Variants in NDOR1 observed in about 807,000 individuals in gnomAD.
NDOR1 encodes the protein NADPH dependent diflavin oxidoreductase 1.
In NDOR1, 61 loss-of-function variants were observed where a neutral mutation model predicts 67.2. That is an observed-to-expected ratio of 0.91 (90% CI 0.74 to 1.12). The LOEUF (loss-of-function observed/expected upper bound fraction) is 1.12, where lower values mean the gene tolerates loss of function less well. Ranked by LOEUF, NDOR1 falls within the 50% of genes most tolerant of loss-of-function variation. NDOR1 has a pLI of 0.00. For missense variants in NDOR1, 878 were observed against 802.8 expected (o/e 1.09, Z -1.13); for synonymous variants, 378 against 343.7 (o/e 1.10, Z -1.10).
At position 137,205,774 on chromosome 9, in the gene NDOR1, C is replaced by G; in HGVS notation, c.-4C>G. On this transcript the variant is annotated 5_prime_UTR_variant, in exon 1 of 14. Coordinates refer to ENST00000684003, the MANE Select transcript of NDOR1 (RefSeq NM_014434.4). Reference sequence around the variant, plus strand: ...TCTCAGACCAGACCACCGGGCGCACCCCGATGCCGAGCCCGCAGCTTCTGG... The same window carrying G: ...TCTCAGACCAGACCACCGGGCGCACGCCGATGCCGAGCCCGCAGCTTCTGG... The G allele has an allele frequency of 1.2e-6, 2 of 1,603,388 alleles. No homozygotes were observed. The highest frequency in any genetic ancestry group is 1.7e-6 in the Non-Finnish European group (2 of 1,179,642).
rs911202970 is a variant in NDOR1, at chr9:137,218,570, C to G, written c.*2154C>G. 3.3e-5 allele frequency: 13 copies of G among 399,232 alleles called. No individual in the cohort carries two copies. The highest frequency in any genetic ancestry group is 5.3e-5 in the Non-Finnish European group (12 of 226,838). 24.7% of individuals were successfully genotyped at this position (399,232 alleles called of 1,614,324 possible). A position where few individuals can be genotyped will look rare whatever the true frequency, so the allele number is the denominator to read the frequency against. ...CACGCCGCTCCTGCTGCTGGGACTG[C>G]TCTTCGTGCTCCTGGACCGCTCTGG... On this transcript the variant is annotated 3_prime_UTR_variant, in exon 14 of 14. Transcript: ENST00000684003.
chr9:137,215,159 C>T lies in NDOR1; in HGVS notation c.1130C>T (p.Pro377Leu). The part of the protein sequence containing the change: ...IPPDYLLDLI[P>L]VIRPRAFSIA... ...CCCGACTACCTGTTGGACCTCATCC[C>T]CGTTATCCGGCCGAGGGCCTTCTCC... The change falls in exon 9 of 14, where the codon CCC becomes CTC. Residue 377 changes from proline (P) to leucine (L), a missense_variant. By Grantham distance (98) the Pro-to-Leu change is moderately conservative. Transcript: ENST00000684003. 1 of 1,613,512 alleles carries T rather than the reference C, an allele frequency of 6.2e-7. No individual in the cohort carries two copies. Among genetic ancestry groups the T allele is most frequent in the Non-Finnish European group, 8.5e-7 (1 of 1,179,980 alleles).
In NDOR1 at chr9:137,216,256, C is replaced by T. The variant is rs575988413; in HGVS notation, c.1650-16C>T. ...GTGCCAGGCCTCATTGCGCCTTCTGCGACCTGCCCCTCTAGCAACGCCAAG... is the reference window on the plus strand; with the variant it reads ...GTGCCAGGCCTCATTGCGCCTTCTGTGACCTGCCCCTCTAGCAACGCCAAG... On this transcript the variant is annotated splice_polypyrimidine_tract_variant and intron_variant, in intron 13 of 13. Transcript: ENST00000684003. 11 of 1,612,804 alleles carry T rather than the reference C, an allele frequency of 6.8e-6. No homozygotes were observed. The highest frequency in any genetic ancestry group is 1.6e-4 in the Middle Eastern group (1 of 6,062).
At position 137,205,784 on chromosome 9, in the gene NDOR1, A is replaced by G; in HGVS notation, c.7A>G (p.Ser3Gly). The change falls in exon 1 of 14, where the codon AGC (serine) becomes GGC (glycine). Residue 3 changes from serine to glycine, a missense_variant. Ser to Gly is a moderately conservative substitution (Grantham distance 56). Coordinates refer to ENST00000684003, the MANE Select transcript of NDOR1 (RefSeq NM_014434.4). Reference protein sequence around the residue: MPSPQLLVLFGSQ... With the variant: MPGPQLLVLFGSQ... Reference sequence around the variant, plus strand: ...GACCACCGGGCGCACCCCGATGCCGAGCCCGCAGCTTCTGGTGCTCTTCGG... The same window carrying G: ...GACCACCGGGCGCACCCCGATGCCGGGCCCGCAGCTTCTGGTGCTCTTCGG... 6.2e-7 allele frequency: 1 copy of G among 1,604,078 alleles called. No homozygotes were observed. The highest frequency in any genetic ancestry group is 8.5e-7 in the Non-Finnish European group (1 of 1,179,638).
chr9:137,216,557 C>T lies in NDOR1; in HGVS notation c.*141C>T, dbSNP rs886558973. 2 of 1,112,186 alleles carry T rather than the reference C, an allele frequency of 1.8e-6. No individual in the cohort carries two copies. 68.9% of individuals were successfully genotyped at this position (1,112,186 alleles called of 1,614,324 possible). A position where few individuals can be genotyped will look rare whatever the true frequency, so the allele number is the denominator to read the frequency against. On this transcript the variant is annotated 3_prime_UTR_variant, in exon 14 of 14. Coordinates refer to ENST00000684003, the MANE Select transcript of NDOR1 (RefSeq NM_014434.4). ...TCTGGGAACAGCCAGCTCCCGAGCACAGCCGCACTCCTGTTGACCCTGGAT... is the reference window on the plus strand; with the variant it reads ...TCTGGGAACAGCCAGCTCCCGAGCATAGCCGCACTCCTGTTGACCCTGGAT...
rs746824699 is a variant in NDOR1 at position 137,215,106 on chromosome 9, C to A, written c.1077C>A (p.Asp359Glu). 1 of 1,613,840 alleles carries A rather than the reference C, an allele frequency of 6.2e-7. No individual in the cohort carries two copies. The highest frequency in any genetic ancestry group is 8.5e-7 in the Non-Finnish European group (1 of 1,179,990). ...CTCTCTTTGCCTAGGTGCTCTGTGA[C>A]TTCCCGCACACAGCTGCCGCCATCC... ...PRRTILEVLC[D>E]FPHTAAAIPP... The change falls in exon 9 of 14, where the codon GAC (aspartate) becomes GAA (glutamate). Residue 359 changes from aspartate (D) to glutamate (E), a missense_variant. Asp to Glu is a conservative substitution (Grantham distance 45, BLOSUM62 2). Transcript: ENST00000684003.
At chr9:137,210,437 T>C (rs1013458211) in intron 2 of NDOR1, among the ~76,000 whole-genome samples, 1 of 152,000 alleles carries the variant, frequency 6.6e-6, no homozygotes, top group Non-Finnish European at 1.5e-5. Context: ...CTCAAGCTTC[T>C]GGGCTCAAGC....
intron 5 of NDOR1, 33 bp from the exon 6 acceptor site, chr9:137,214,171 G>A (rs1427066725): frequency 1.3e-6 from 2 of 1,581,830 alleles, no homozygotes; most frequent in Admixed American, 3.5e-5. Context: ...CCTGGGGAGT[G>A]GGTCCTGGTC....
intron 7 of NDOR1, 41 bp downstream of exon 7, chr9:137,214,732 C>T (rs372522173): frequency 1.5e-5 from 24 of 1,597,370 alleles, no homozygotes; most frequent in Admixed American, 1.3e-4. Flanking sequence ...TGCCCTCTCC[C>T]GTGCCCTGGG....
At position 137,214,214 on chromosome 9, in the gene NDOR1, A is replaced by G. The variant is rs1206595638; in HGVS notation, c.523A>G (p.Lys175Glu). Residue 175 changes from lysine (K) to glutamate (E), a missense_variant, in exon 6 of 14, where the codon AAG becomes GAG. Transcript: ENST00000684003. ...CGTGCCCTCCCACAGCCTGCCCTCC[A>G]AGTTCACCCTGCTGTTCCTCCAAGA... ...EIPPGVPLPS[K>E]FTLLFLQEAP... 2.5e-6 allele frequency: 4 copies of G among 1,611,204 alleles called. No individual in the cohort carries two copies. Among genetic ancestry groups the G allele is most frequent in the Admixed American group, 3.3e-5 (2 of 59,900 alleles).
At position 137,205,740 on chromosome 9, in the gene NDOR1, A is replaced by T. The variant is rs1176471556; in HGVS notation, c.-38A>T. ...ACCCGGCCGGCGGGAACTGCCTTCTAGTTTTTAGTCTCAGACCAGACCACC... is the reference window on the plus strand; with the variant it reads ...ACCCGGCCGGCGGGAACTGCCTTCTTGTTTTTAGTCTCAGACCAGACCACC... On this transcript the variant is annotated 5_prime_UTR_variant, in exon 1 of 14. Transcript: ENST00000684003. 1.3e-6 allele frequency: 2 copies of T among 1,599,510 alleles called. No homozygotes were observed. The highest frequency in any genetic ancestry group is 2.2e-5 in the South Asian group (2 of 91,060).
In NDOR1 at chr9:137,213,716, A is replaced by G; in HGVS notation, c.312-64A>G. ...CCCGGGCTCCACTCTCCCGGGTTCC[A>G]CTCTGCCTGGGCACCACTCTCCGCC... On this transcript the variant is annotated intron_variant, in intron 3 of 13. Transcript: ENST00000684003. The G allele has an allele frequency of 1.6e-5, 24 of 1,513,856 alleles. 1 individual carries two copies. Among genetic ancestry groups the G allele is most frequent in the South Asian group, 1.4e-4 (12 of 84,422 alleles). The allele number at this position is 1,513,856 out of a possible 1,614,324, so 93.8% of individuals were successfully genotyped here.
rs1835655989 is a variant in NDOR1 at position 137,217,220 on chromosome 9, A to G, written c.*804A>G. Among the ~76,000 whole-genome samples the G allele has an allele frequency of 6.6e-6, 1 of 151,976 alleles. No homozygotes were observed. The highest frequency in any genetic ancestry group is 2.1e-4 in the South Asian group (1 of 4,816). ...ACCCTTGTTGGGCTGCCTGTGCCCG[A>G]GTGGCCTCTGCAGCTCTTATGTCTG... is the stretch of plus-strand genomic sequence containing the variant. On this transcript the variant is annotated 3_prime_UTR_variant, in exon 14 of 14. Coordinates refer to ENST00000684003, the MANE Select transcript of NDOR1 (RefSeq NM_014434.4).
chr9:137,216,356 A>G lies in NDOR1; in HGVS notation c.1734A>G (p.Ala578=), dbSNP rs776035363. 2 of 1,609,338 alleles carry G rather than the reference A, an allele frequency of 1.2e-6. No homozygotes were observed. Among genetic ancestry groups the G allele is most frequent in the East Asian group, 2.2e-5 (1 of 44,882 alleles). ...QEEGGLCSPD[A]AAYLARLQQT... ...AGGGTGGACTCTGCAGCCCGGACGC[A>G]GCCGCGTATCTAGCCAGGCTCCAGC... is the stretch of plus-strand genomic sequence containing the variant. Residue 578 remains alanine, a synonymous_variant, in exon 14 of 14, where the codon GCA becomes GCG. Transcript: ENST00000684003.
In NDOR1 at chr9:137,214,685, G is replaced by A; in HGVS notation, c.838G>A (p.Glu280Lys). Reference protein sequence around the residue: ...PDQLFMLQPREPDVSSPTRLP... With the variant: ...PDQLFMLQPRKPDVSSPTRLP... ...CCAGCTCTTCATGCTGCAGCCGCGGGAGCCAGGTGAGCCCAGCCTCGGCCA... is the reference window on the plus strand; with the variant it reads ...CCAGCTCTTCATGCTGCAGCCGCGGAAGCCAGGTGAGCCCAGCCTCGGCCA... The change falls in exon 7 of 14, where the codon GAG becomes AAG. Residue 280 changes from glutamate to lysine, a missense_variant. Glu to Lys is a moderately conservative substitution (Grantham distance 56, BLOSUM62 1). Coordinates refer to ENST00000684003, the MANE Select transcript of NDOR1 (RefSeq NM_014434.4). 1 of 1,602,888 alleles carries A rather than the reference G, an allele frequency of 6.2e-7. No individual in the cohort carries two copies.
intron 2 of NDOR1, among the ~76,000 whole-genome samples, chr9:137,209,682 C>G (rs1387773480): frequency 2.0e-5 from 3 of 152,224 alleles, no homozygotes; most frequent in Non-Finnish European, 4.4e-5. Flanking sequence ...CAGGAAGACC[C>G]TGGCTCCTTG....
At chr9:137,206,064 C>G in intron 1 of NDOR1, 152 bp downstream of exon 1, 1 of 1,460,394 alleles carries the variant, frequency 6.8e-7, no homozygotes, top group Non-Finnish European at 9.3e-7. Context: ...AAGGGGAGTT[C>G]AGTTTAGCAC....
chr9:137,214,471 C>G, intron 6 of NDOR1, 58 bp downstream of exon 6: 4 of 1,611,016 alleles, frequency 2.5e-6, no homozygotes, highest in Non-Finnish European at 3.4e-6. Context: ...GTCTGGGGTT[C>G]GGAGGAGGCT....
chr9:137,216,264 C>A lies in NDOR1; in HGVS notation c.1650-8C>A. 5 of 1,613,174 alleles carry A rather than the reference C, an allele frequency of 3.1e-6. No individual in the cohort carries two copies. The highest frequency in any genetic ancestry group is 4.2e-6 in the Non-Finnish European group (5 of 1,179,984). On this transcript the variant is annotated splice_region_variant and splice_polypyrimidine_tract_variant and intron_variant, in intron 13 of 13. Transcript: ENST00000684003. ...CCTCATTGCGCCTTCTGCGACCTGCCCCTCTAGCAACGCCAAGTCCATGCC... is the reference window on the plus strand; with the variant it reads ...CCTCATTGCGCCTTCTGCGACCTGCACCTCTAGCAACGCCAAGTCCATGCC...
Sources: gnomAD v4.1 joint callset for allele counts (sites outside exome capture counted in the v4.1 genomes callset) on GRCh38, gnomAD v4.1.1 for gene constraint, MANE v1.5 for transcripts, NCBI Gene and HGNC (gene_info 2026-07-23, HGNC 2026-07-21) for gene names.